EIF5B: variants seen among roughly 807,000 people sequenced by gnomAD.
EIF5B encodes eukaryotic translation initiation factor 5B.
In EIF5B, 47 loss-of-function variants were observed where a neutral mutation model predicts 147.5. That is an observed-to-expected ratio of 0.32 (90% CI 0.25 to 0.41). The LOEUF (loss-of-function observed/expected upper bound fraction) is 0.41, where lower values mean the gene tolerates loss of function less well. EIF5B is among the 10% of genes least tolerant of loss of function. The pLI is 1.00. For synonymous variants in EIF5B, 455 were observed against 456.2 expected, an observed-to-expected ratio of 1.00 and a Z score of 0.03; for missense variants, 1,064 against 1,413.2, an observed-to-expected ratio of 0.75 and a Z score of 3.96.
Position 99,361,785 on chromosome 2 carries a change from C to G in EIF5B, c.884C>G (p.Ser295Cys). Residue 295 changes from serine (S) to cysteine (C), a missense_variant, in exon 4 of 24, where the codon TCT (serine) becomes TGT (cysteine). Ser to Cys is a moderately radical substitution (Grantham distance 112, BLOSUM62 -1). This residue lies in a region of EIF5B where 458 missense variants were observed against 451.3 expected (regional missense o/e 1.01). Coordinates refer to ENST00000289371, the MANE Select transcript of EIF5B (RefSeq NM_015904.4). ...VTVDTGVIPA[S>C]EEKAETPTAA... ...GTTGATACTGGAGTAATTCCTGCCT[C>G]TGAAGAGAAAGCAGAGACTCCCACA... 2.6e-6 allele frequency: 4 copies of G among 1,564,280 alleles called. No homozygotes were observed. The highest frequency in any genetic ancestry group is 3.4e-6 in the Non-Finnish European group (4 of 1,165,784).
At chr2:99,352,100 T>C (rs1673978378) in intron 1 of EIF5B, among the ~76,000 whole-genome samples, 1 of 152,244 alleles carries the variant, frequency 6.6e-6, no homozygotes, top group South Asian at 2.1e-4. Flanking sequence ...TCAATCATTT[T>C]CCCATTTAAA....
intron 1 of EIF5B, among the ~76,000 whole-genome samples, chr2:99,338,961 T>TAC (rs1181288143): frequency 1.2e-5 from 1 of 85,938 alleles, no homozygotes; most frequent in Non-Finnish European, 2.8e-5. Flanking sequence ...CACACATATA[T>TAC]ATAAATATAT....
intron 21 of EIF5B, among the ~76,000 whole-genome samples, chr2:99,396,421 C>T (rs960904446): frequency 6.6e-6 from 1 of 152,152 alleles, no homozygotes; most frequent in South Asian, 2.1e-4. Context: ...AGGTTCTAAG[C>T]CCCAGACTGT....
At chr2:99,350,473 C>T (rs1422909174) in intron 1 of EIF5B, among the ~76,000 whole-genome samples, 1 of 152,000 alleles carries the variant, frequency 6.6e-6, no homozygotes, top group Non-Finnish European at 1.5e-5. Flanking sequence ...AAAAGCTAGT[C>T]TAAGGTGTGA....
At chr2:99,369,765 A>G (rs539714635) in intron 8 of EIF5B, among the ~76,000 whole-genome samples, 1 of 152,192 alleles carries the variant, frequency 6.6e-6, no homozygotes. Context: ...TCACGAGATC[A>G]GAAGATCAAG....
intron 18 of EIF5B, 143 bp from the exon 19 acceptor site, chr2:99,394,124 G>A: frequency 9.5e-7 from 1 of 1,056,206 alleles, no homozygotes. Flanking sequence ...TCCAGCACAG[G>A]TTCTGTGATG....
At chr2:99,378,015 A>C (rs746405462) in intron 10 of EIF5B, among the ~76,000 whole-genome samples, 2 of 152,200 alleles carry the variant, frequency 1.3e-5, no homozygotes, top group African/African-American at 4.8e-5. Context: ...TTTCAGCCAT[A>C]TCAAATAAAG....
intron 1 of EIF5B, among the ~76,000 whole-genome samples, chr2:99,357,800 A>G (rs751350308): frequency 6.6e-6 from 1 of 152,172 alleles, no homozygotes; most frequent in Non-Finnish European, 1.5e-5. Context: ...GGGAGATGCT[A>G]GGGCAGACTT....
rs1674643184 is a variant in EIF5B at position 99,379,405 on chromosome 2, G to C, written c.2038G>C (p.Glu680Gln). The C allele has an allele frequency of 6.2e-7, 1 of 1,612,608 alleles. No individual in the cohort carries two copies. Among genetic ancestry groups the C allele is most frequent in the East Asian group, 2.2e-5 (1 of 44,838 alleles). The change falls in exon 12 of 24, where the codon GAA becomes CAA. Residue 680 changes from glutamate to glutamine, a missense_variant. Transcript: ENST00000289371. Reference protein sequence around the residue: ...ATNVPLEAINEQTKMIKNFDR... With the variant: ...ATNVPLEAINQQTKMIKNFDR... ...CAATGTTCCTCTTGAAGCTATTAAT[G>C]AACAGACTAAGATGATTAAAAATGT... is the stretch of plus-strand genomic sequence containing the variant.
chr2:99,356,024 T>C (rs1674090774), intron 1 of EIF5B, among the ~76,000 whole-genome samples: 1 of 152,252 alleles, frequency 6.6e-6, no homozygotes, highest in South Asian at 2.1e-4. Context: ...ATTACTATAT[T>C]AGCATGGTAC....
At chr2:99,348,921 A>AC (rs1379403538) in intron 1 of EIF5B, among the ~76,000 whole-genome samples, 1 of 152,208 alleles carries the variant, frequency 6.6e-6, no homozygotes, top group Non-Finnish European at 1.5e-5. Flanking sequence ...AAGTCATCCC[A>AC]AACAGTGGCT....
chr2:99,392,223 C>T (rs566795635), intron 17 of EIF5B, among the ~76,000 whole-genome samples: 18 of 151,890 alleles, frequency 1.2e-4, no homozygotes, highest in African/African-American at 4.4e-4. Context: ...TACAGGTGCA[C>T]GCCACCACAC....
chr2:99,360,387 T>C, intron 2 of EIF5B, 26 bp downstream of exon 2: 3 of 1,577,590 alleles, frequency 1.9e-6, no homozygotes, highest in Non-Finnish European at 2.6e-6. Flanking sequence ...ATATATTTGA[T>C]TTTTATTTGT....
intron 16 of EIF5B, 60 bp from the exon 17 acceptor site, chr2:99,390,484 A>T: frequency 3.8e-6 from 6 of 1,583,578 alleles, no homozygotes; most frequent in Non-Finnish European, 5.1e-6. Flanking sequence ...TACTACTTTT[A>T]GATTTAATGA....
intron 9 of EIF5B, among the ~76,000 whole-genome samples, chr2:99,374,288 TAAAAAAAAAA>T (rs33936603): frequency 1.8e-5 from 2 of 108,732 alleles, no homozygotes; most frequent in African/African-American, 7.1e-5. Flanking sequence ...GACTCTTACC[TAAAAAAAAAA>T]AAAAAAAAAA....
Position 99,398,781 on chromosome 2 carries a change from A to G in EIF5B, c.3427A>G (p.Ile1143Val), listed in dbSNP as rs768594519. ...VDIGIVTSIE[I>V]NHKQVDVAKK... ...CATCGGAATAGTAACAAGTATTGAA[A>G]TAAACCATAAACAAGTGGATGTTGC... The change falls in exon 23 of 24, where the codon ATA (isoleucine) becomes GTA (valine). Residue 1143 changes from isoleucine (I) to valine (V), a missense_variant. By Grantham distance (29) the Ile-to-Val change is conservative. Transcript: ENST00000289371. 5.6e-6 allele frequency: 9 copies of G among 1,613,842 alleles called. No homozygotes were observed. The highest frequency in any genetic ancestry group is 2.2e-5 in the East Asian group (1 of 44,900).
At chr2:99,396,674 G>C (rs1675055733) in intron 21 of EIF5B, 86 bp from the exon 22 acceptor site, 3 of 1,484,688 alleles carry the variant, frequency 2.0e-6, no homozygotes, top group African/African-American at 1.4e-5. Context: ...TCCTCTAATG[G>C]GAGAAGCCTG....
At position 99,400,576 on chromosome 2, in the gene EIF5B, A is replaced by AAAGT. The variant is rs1332153363; in HGVS notation, c.*1163_*1166dup. The AAAGT allele has an allele frequency of 2.0e-5, 3 of 152,184 alleles. No individual in the cohort carries two copies. The highest frequency in any genetic ancestry group is 7.2e-5 in the African/African-American group (3 of 41,446). 9.4% of individuals were successfully genotyped at this position (152,184 alleles called of 1,614,324 possible). The stretch of plus-strand genomic sequence containing the variant: ...ATCTATACCGTTCTTTTTTATCATC[A>AAAGT]AAGTTTCTCAATGGCCAGTAGAAGC... On this transcript the variant is annotated 3_prime_UTR_variant, in exon 24 of 24. Transcript: ENST00000289371.
chr2:99,390,447 T>A, intron 16 of EIF5B, 46 bp downstream of exon 16: 1 of 1,517,108 alleles, frequency 6.6e-7, no homozygotes, highest in Non-Finnish European at 8.9e-7. Context: ...TTTTTAAAAA[T>A]AGCAAGTTCC....
Sources: allele counts gnomAD v4.1 joint callset (sites outside exome capture counted in the v4.1 genomes callset), GRCh38; gene constraint gnomAD v4.1.1; regional missense constraint gnomAD v4.1.1; transcripts MANE v1.5; gene names NCBI Gene and HGNC (gene_info 2026-07-23, HGNC 2026-07-21).